The following CACNA2D1 variants were observed in gnomAD, a reference collection of about 807,000 sequenced individuals.
The protein encoded by CACNA2D1 is calcium voltage-gated channel auxiliary subunit alpha2delta 1, also known as voltage-dependent calcium channel subunit alpha-2/delta-1.
CACNA2D1 carries 53 observed loss-of-function variants against 171.5 expected under a neutral mutation model. That is an observed-to-expected ratio of 0.31 (90% confidence interval 0.25 to 0.39). CACNA2D1 has a LOEUF of 0.39. Among genes scored for constraint, CACNA2D1 ranks in the 10% least tolerant of loss-of-function variants. The pLI, the probability that CACNA2D1 is intolerant of heterozygous loss-of-function variation, is 1.00. For missense variants in CACNA2D1, 903 were observed against 1,299.8 expected, an observed-to-expected ratio of 0.69 and a Z score of 4.69; for synonymous variants, 442 against 443.1, an observed-to-expected ratio of 1.00 and a Z score of 0.03.
At chr7:82,145,360 AT>A (rs1792877077) in intron 4 of CACNA2D1, among the ~76,000 whole-genome samples, 1 of 144,832 alleles carries the variant, frequency 6.9e-6, no homozygotes, top group Admixed American at 7.0e-5. Flanking sequence ...TATATTATAT[AT>A]TACACATTAT....
At chr7:82,010,054 C>G (rs1799591207) in intron 15 of CACNA2D1, among the ~76,000 whole-genome samples, 1 of 151,948 alleles carries the variant, frequency 6.6e-6, no homozygotes, top group African/African-American at 2.4e-5. Context: ...TTTCACTTTT[C>G]ACCACCAATT....
chr7:81,966,707 T>C (rs1794738935), intron 31 of CACNA2D1, among the ~76,000 whole-genome samples: 1 of 151,396 alleles, frequency 6.6e-6, no homozygotes, highest in South Asian at 2.1e-4. Context: ...TCCATGTAAC[T>C]ATAACTTTAT....
At chr7:82,200,549 G>C (rs1019954224) in intron 3 of CACNA2D1, among the ~76,000 whole-genome samples, 1 of 152,070 alleles carries the variant, frequency 6.6e-6, no homozygotes, top group Non-Finnish European at 1.5e-5. Flanking sequence ...CTGCAAATTA[G>C]TTGTATGTTT....
intron 3 of CACNA2D1, among the ~76,000 whole-genome samples, chr7:82,185,872 C>T (rs577478812): frequency 4.6e-5 from 7 of 151,928 alleles, no homozygotes; most frequent in African/African-American, 1.4e-4. Context: ...AAGAAATGGG[C>T]CACACCAGGC....
intron 2 of CACNA2D1, among the ~76,000 whole-genome samples, chr7:82,336,028 G>A (rs936309076): frequency 6.6e-6 from 1 of 152,120 alleles, no homozygotes; most frequent in Non-Finnish European, 1.5e-5. Flanking sequence ...GGGGTTGGAG[G>A]GGAAGCAGTC....
chr7:82,020,925 C>A (rs774075840), intron 12 of CACNA2D1: 6 of 152,046 alleles, frequency 3.9e-5, no homozygotes, highest in Non-Finnish European at 7.4e-5. Context: ...CAACAAAGTG[C>A]AGTAGTCATG....
chr7:82,020,488 A>T lies in CACNA2D1; in HGVS notation c.1144-6009T>A, dbSNP rs1377057156. The stretch of plus-strand genomic sequence containing the variant: ...TTCCAGTTGTAAGTGAAAAGTAAAT[A>T]TAAGGCATTAATATATGGAAATTGT... On this transcript the variant is annotated intron_variant, in intron 12 of 38. Coordinates refer to ENST00000356860, the MANE Select transcript of CACNA2D1 (RefSeq NM_000722.4). Among the ~76,000 whole-genome samples, 4 of 152,172 alleles carry T rather than the reference A, an allele frequency of 2.6e-5. No individual in the cohort carries two copies. In the South Asian group the frequency reaches 8.3e-4, roughly 31 times the overall value.
intron 1 of CACNA2D1, among the ~76,000 whole-genome samples, chr7:82,373,771 T>C (rs1822689893): frequency 6.6e-6 from 1 of 152,210 alleles, no homozygotes; most frequent in South Asian, 2.1e-4. Context: ...TTTTCAAGGG[T>C]TGAATGTATA....
intron 36 of CACNA2D1, among the ~76,000 whole-genome samples, chr7:81,961,346 T>TA (rs1287407732): frequency 6.6e-6 from 1 of 152,000 alleles, no homozygotes; most frequent in South Asian, 2.1e-4. Context: ...AACCATGACC[T>TA]AAAAAAACTG....
At chr7:82,153,591 T>C (rs908329392) in intron 4 of CACNA2D1, among the ~76,000 whole-genome samples, 1 of 152,084 alleles carries the variant, frequency 6.6e-6, no homozygotes, top group Non-Finnish European at 1.5e-5. Flanking sequence ...TCTAACTATA[T>C]AATATAAATT....
rs747054162 is a variant in CACNA2D1, at chr7:81,974,541, T to C, written c.1967A>G (p.Asn656Ser). 2.6e-6 allele frequency: 4 copies of C among 1,520,482 alleles called. No individual in the cohort carries two copies. The highest frequency in any genetic ancestry group is 1.1e-5 in the South Asian group (1 of 88,622). The allele number at this position is 1,520,482 out of a possible 1,614,324, so 94.2% of individuals were successfully genotyped here. ...GTTATTATCCGATATTTTCAGGTCA[T>C]TGCAGTAATCTCTGAAAAAAAAACA... ...YTFIAPRDYC[N>S]DLKISDNNTE... is the part of the protein sequence containing the mutation. Residue 656 changes from asparagine to serine, a missense_variant, in exon 25 of 39, where the codon AAT (asparagine) becomes AGT (serine). Coordinates refer to ENST00000356860, the MANE Select transcript of CACNA2D1 (RefSeq NM_000722.4).
intron 3 of CACNA2D1, among the ~76,000 whole-genome samples, chr7:82,318,614 T>C (rs534972385): frequency 6.6e-6 from 1 of 152,186 alleles, no homozygotes; most frequent in Non-Finnish European, 1.5e-5. Flanking sequence ...TCTCTTTCAA[T>C]CCTTCTCTCC....
chr7:82,375,897 C>T (rs1229031465), intron 1 of CACNA2D1, among the ~76,000 whole-genome samples: 1 of 152,142 alleles, frequency 6.6e-6, no homozygotes, highest in African/African-American at 2.4e-5. Flanking sequence ...CAGGAGGAAG[C>T]TTAATGACTG....
At chr7:82,126,988 A>T (rs1790398926) in intron 5 of CACNA2D1, among the ~76,000 whole-genome samples, 1 of 152,246 alleles carries the variant, frequency 6.6e-6, no homozygotes, top group Admixed American at 6.5e-5. Context: ...CTGATGGAAG[A>T]ATATAATACG....
intron 3 of CACNA2D1, among the ~76,000 whole-genome samples, chr7:82,320,578 ATTTTT>A (rs1187859762): frequency 1.6e-5 from 2 of 128,748 alleles, no homozygotes; most frequent in Non-Finnish European, 1.6e-5. Flanking sequence ...CACTTGGCTA[ATTTTT>A]TTTTTTTTTT....
intron 6 of CACNA2D1, among the ~76,000 whole-genome samples, chr7:82,096,127 C>T (rs2129027667): frequency 6.6e-6 from 1 of 152,296 alleles, no homozygotes; most frequent in African/African-American, 2.4e-5. Context: ...AGCTCTTGAG[C>T]ACGAGAATAG....
intron 12 of CACNA2D1, among the ~76,000 whole-genome samples, chr7:82,031,492 T>C (rs1802692872): frequency 6.6e-6 from 1 of 151,932 alleles, no homozygotes; most frequent in Non-Finnish European, 1.5e-5. Context: ...TCCTCTATGC[T>C]ATTAAAATCA....
At chr7:82,234,269 A>G (rs559977530) in intron 3 of CACNA2D1, among the ~76,000 whole-genome samples, 1 of 152,248 alleles carries the variant, frequency 6.6e-6, no homozygotes, top group East Asian at 1.9e-4. Context: ...AAGCACATAC[A>G]TAATATATGC....
chr7:82,114,922 G>C (rs1457560099), intron 6 of CACNA2D1, among the ~76,000 whole-genome samples: 1 of 152,096 alleles, frequency 6.6e-6, no homozygotes, highest in Admixed American at 6.6e-5. Context: ...AATGTTCATA[G>C]AGCAAAGCTA....
Sources: gnomAD v4.1 joint callset for allele counts (sites outside exome capture counted in the v4.1 genomes callset) on GRCh38, gnomAD v4.1.1 for gene constraint, MANE v1.5 for transcripts, NCBI Gene and HGNC (gene_info 2026-07-23, HGNC 2026-07-21) for gene names.